The following PRKG1 variants were observed in gnomAD, a reference collection of about 807,000 sequenced individuals.
PRKG1 encodes protein kinase cGMP-dependent 1, also known as cGMP-dependent protein kinase 1.
In PRKG1, 35 loss-of-function variants were observed where a neutral mutation model predicts 88.1. That is an observed-to-expected ratio of 0.40 (90% CI 0.30 to 0.53). PRKG1 has a LOEUF of 0.53. Among genes scored for constraint, PRKG1 ranks in the 20% least tolerant of loss-of-function variants. The probability of loss-of-function intolerance (pLI) is 0.59; values close to 1 mark genes in which losing one functional copy is unlikely to be tolerated. For missense variants in PRKG1, 540 were observed against 839.8 expected (o/e 0.64, Z 4.41); for synonymous variants, 303 against 292.5 (o/e 1.04, Z -0.37).
At chr10:51,572,344 T>C (rs994051271) in intron 3 of PRKG1, among the ~76,000 whole-genome samples, 2 of 151,910 alleles carry the variant, frequency 1.3e-5, no homozygotes, top group South Asian at 4.1e-4. Context: ...TGAAAGGAAA[T>C]CAGTTTAAAA....
chr10:51,831,954 C>T (rs1025093094), intron 4 of PRKG1, among the ~76,000 whole-genome samples: 11 of 151,794 alleles, frequency 7.2e-5, no homozygotes, highest in African/African-American at 2.2e-4. Context: ...CTTATTTTTC[C>T]GTATATGTAT....
At chr10:51,982,993 A>G (rs560329742) in intron 5 of PRKG1, among the ~76,000 whole-genome samples, 137 of 152,136 alleles carry the variant, frequency 9.0e-4, no homozygotes, top group African/African-American at 3.0e-3. Context: ...TAATATGGGG[A>G]TGGGGCACTG....
chr10:52,035,881 T>G, intron 5 of PRKG1, among the ~76,000 whole-genome samples: 1 of 152,180 alleles, frequency 6.6e-6, no homozygotes, highest in Non-Finnish European at 1.5e-5. Flanking sequence ...GCTAAAACAG[T>G]AAGGTCAAGT....
intron 4 of PRKG1, among the ~76,000 whole-genome samples, chr10:51,898,533 C>T (rs1041499431): frequency 6.6e-6 from 1 of 151,508 alleles, no homozygotes; most frequent in East Asian, 1.9e-4. Context: ...AATTTTTTTC[C>T]AATATTAAAA....
At chr10:51,320,045 A>C (rs1841415756) in intron 2 of PRKG1, 1 of 188,336 alleles carries the variant, frequency 5.3e-6, no homozygotes, top group South Asian at 1.3e-4. Flanking sequence ...CTTCCTTAAT[A>C]GCCAGATTGA....
intron 3 of PRKG1, among the ~76,000 whole-genome samples, chr10:51,622,077 G>A (rs947628772): frequency 6.6e-6 from 1 of 152,166 alleles, no homozygotes; most frequent in Non-Finnish European, 1.5e-5. Context: ...CTGATGACAT[G>A]TGGCTCTGCT....
chr10:51,324,581 A>T (rs2132515251), intron 2 of PRKG1, among the ~76,000 whole-genome samples: 1 of 151,290 alleles, frequency 6.6e-6, no homozygotes, highest in Non-Finnish European at 1.5e-5. Flanking sequence ...CAAAAAAAAA[A>T]AAAAAAAAAA....
rs1217298740 is a variant in PRKG1, at chr10:51,902,297, G to C, written c.699-5210G>C. ...ATACCCAGCTAATTTTGTATTTTTA[G>C]TAGAAACGGAGTTTCTCCATGTTGG... On this transcript the variant is annotated intron_variant, in intron 4 of 17. Transcript: ENST00000373980. Among the ~76,000 whole-genome samples the C allele has an allele frequency of 2.0e-5, 3 of 151,788 alleles. No individual in the cohort carries two copies. In the East Asian group the frequency reaches 5.8e-4, roughly 29 times the overall value.
At chr10:51,814,520 G>A (rs1839537181) in intron 4 of PRKG1, among the ~76,000 whole-genome samples, 1 of 152,088 alleles carries the variant, frequency 6.6e-6, no homozygotes, top group African/African-American at 2.4e-5. Context: ...TTTTCTAGAA[G>A]TTTGTGAAAC....
intron 5 of PRKG1, among the ~76,000 whole-genome samples, chr10:52,049,268 G>A (rs1845932557): frequency 6.6e-6 from 1 of 152,116 alleles, no homozygotes; most frequent in South Asian, 2.1e-4. Context: ...GCAAGATAAT[G>A]TCAAAAATCT....
At chr10:52,130,782 A>C (rs2132628878) in intron 7 of PRKG1, among the ~76,000 whole-genome samples, 1 of 152,348 alleles carries the variant, frequency 6.6e-6, no homozygotes, top group South Asian at 2.1e-4. Context: ...TATGAAAGTG[A>C]TAACGAATTG....
intron 3 of PRKG1, among the ~76,000 whole-genome samples, chr10:51,723,463 G>C (rs1455656073): frequency 6.6e-6 from 1 of 152,072 alleles, no homozygotes; most frequent in Non-Finnish European, 1.5e-5. Context: ...CACACAACAG[G>C]GCCTGTCAGT....
intron 3 of PRKG1, among the ~76,000 whole-genome samples, chr10:51,549,832 C>G (rs944520591): frequency 3.8e-4 from 58 of 152,180 alleles, no homozygotes; most frequent in African/African-American, 1.3e-3. Context: ...TTTTAGCCTT[C>G]CGATAAGGCA....
intron 2 of PRKG1, among the ~76,000 whole-genome samples, chr10:51,275,243 C>T (rs1210079379): frequency 1.3e-5 from 2 of 152,172 alleles, no homozygotes; most frequent in African/African-American, 4.8e-5. Flanking sequence ...TCATCTTTCC[C>T]AGCTCTTATG....
At chr10:51,293,508 C>T (rs2132226058) in intron 2 of PRKG1, among the ~76,000 whole-genome samples, 1 of 152,102 alleles carries the variant, frequency 6.6e-6, no homozygotes, top group East Asian at 1.9e-4. Context: ...TTTCACTTAA[C>T]TTAATGTCCT....
At chr10:51,007,735 TC>T (rs1483250360) in intron 1 of PRKG1, among the ~76,000 whole-genome samples, 2 of 152,208 alleles carry the variant, frequency 1.3e-5, no homozygotes, top group East Asian at 3.8e-4. Context: ...GGCCATTGCT[TC>T]TGTAGTTTTA....
chr10:51,594,161 C>G (rs1050553859), intron 3 of PRKG1, among the ~76,000 whole-genome samples: 1 of 152,060 alleles, frequency 6.6e-6, no homozygotes, highest in Non-Finnish European at 1.5e-5. Context: ...GGAGGTAGGA[C>G]TAGAGGTGTA....
At chr10:51,093,916 C>T (rs184536135) in intron 1 of PRKG1, among the ~76,000 whole-genome samples, 74 of 150,886 alleles carry the variant, frequency 4.9e-4, no homozygotes, top group African/African-American at 1.7e-3. Flanking sequence ...ATTATCTTAC[C>T]TTGGTTTCTT....
intron 3 of PRKG1, among the ~76,000 whole-genome samples, chr10:51,606,986 G>A (rs985749594): frequency 6.6e-6 from 1 of 152,288 alleles, no homozygotes; most frequent in Admixed American, 6.5e-5. Flanking sequence ...ATTACCCTGG[G>A]AGGGTGGAGT....
Sources: gnomAD v4.1 joint callset for allele counts (sites outside exome capture counted in the v4.1 genomes callset) on GRCh38, gnomAD v4.1.1 for gene constraint, MANE v1.5 for transcripts, NCBI Gene and HGNC (gene_info 2026-07-23, HGNC 2026-07-21) for gene names.